GATAD2A: variants seen among roughly 807,000 people sequenced by gnomAD.
GATAD2A encodes transcriptional repressor p66-alpha.
In GATAD2A, 12 loss-of-function variants were observed where a neutral mutation model predicts 68.5. That is an observed-to-expected ratio of 0.18 (90% CI 0.11 to 0.28). The LOEUF (loss-of-function observed/expected upper bound fraction) is 0.28. Ranked by LOEUF, GATAD2A falls within the 10% of genes least tolerant of loss-of-function variation. The pLI, the probability that GATAD2A is intolerant of heterozygous loss-of-function variation, is 1.00. For synonymous variants in GATAD2A, 410 were observed against 375.3 expected (o/e 1.09, Z -1.07); for missense variants, 755 against 868.5 (o/e 0.87, Z 1.64).
At chr19:19,423,808 G>C (rs548822139) in intron 1 of GATAD2A, among the ~76,000 whole-genome samples, 27 of 152,326 alleles carry the variant, frequency 1.8e-4, no homozygotes, top group African/African-American at 6.5e-4. Context: ...ACTGGACTTG[G>C]AGGTGTCTGG....
intron 1 of GATAD2A, among the ~76,000 whole-genome samples, chr19:19,409,469 A>G (rs889623935): frequency 2.0e-5 from 3 of 152,140 alleles, no homozygotes; most frequent in Non-Finnish European, 4.4e-5. Flanking sequence ...AGTTTGAGGC[A>G]TACAGAACTA....
intron 2 of GATAD2A, among the ~76,000 whole-genome samples, chr19:19,477,638 G>A (rs2148197469): frequency 6.6e-6 from 1 of 152,322 alleles, no homozygotes; most frequent in South Asian, 2.1e-4. Flanking sequence ...ATTGTTGGAT[G>A]CAGGAAGGGT....
chr19:19,480,387 T>C (rs2058972544), intron 2 of GATAD2A, among the ~76,000 whole-genome samples: 1 of 152,232 alleles, frequency 6.6e-6, no homozygotes, highest in Admixed American at 6.5e-5. Context: ...TCACAGCAAG[T>C]AGCAAATATA....
chr19:19,496,730 A>G (rs531356453), intron 7 of GATAD2A, among the ~76,000 whole-genome samples: 9 of 152,292 alleles, frequency 5.9e-5, no homozygotes, highest in Non-Finnish European at 1.0e-4. Flanking sequence ...AGAGCCTCTC[A>G]GATGGGGAGG....
In GATAD2A at chr19:19,428,174, G is replaced by C. The variant is rs144358022; in HGVS notation, c.-7+22155G>C. Among the ~76,000 whole-genome samples the C allele has an allele frequency of 3.8e-3, 571 of 152,260 alleles. 4 individuals carry two copies. Among genetic ancestry groups the C allele is most frequent in the African/African-American group, 0.013 (535 of 41,550 alleles). On this transcript the variant is annotated intron_variant, in intron 1 of 11. Coordinates refer to ENST00000683918, the MANE Select transcript of GATAD2A (RefSeq NM_001384528.1). ...TGTCCTTTAATACTGCAATACATCA[G>C]GCATCTGAAATACTAAACACTTAAA...
intron 2 of GATAD2A, among the ~76,000 whole-genome samples, chr19:19,474,844 C>T (rs957288124): frequency 6.6e-6 from 1 of 152,200 alleles, no homozygotes; most frequent in East Asian, 1.9e-4. Flanking sequence ...ACTTGTTGTT[C>T]TCAGTCTTTA....
intron 1 of GATAD2A, among the ~76,000 whole-genome samples, chr19:19,432,583 T>C (rs2053875785): frequency 6.6e-6 from 1 of 152,238 alleles, no homozygotes; most frequent in African/African-American, 2.4e-5. Context: ...ATTACAGGCA[T>C]GAGCTACCGT....
At chr19:19,504,645 T>TC (rs1568346323) in intron 11 of GATAD2A, among the ~76,000 whole-genome samples, 1 of 151,196 alleles carries the variant, frequency 6.6e-6, no homozygotes, top group Non-Finnish European at 1.5e-5. Flanking sequence ...TTTTCCTTTT[T>TC]TTTTTTTTTT....
chr19:19,445,752 C>T (rs1293892889), intron 1 of GATAD2A, among the ~76,000 whole-genome samples: 1 of 152,176 alleles, frequency 6.6e-6, no homozygotes, highest in Non-Finnish European at 1.5e-5. Context: ...GAGTTTCATT[C>T]CTTTTTATGG....
intron 8 of GATAD2A, among the ~76,000 whole-genome samples, chr19:19,500,755 C>T (rs964194852): frequency 6.6e-6 from 1 of 152,226 alleles, no homozygotes; most frequent in Non-Finnish European, 1.5e-5. Context: ...TTTGGGGGTT[C>T]CCCGTCCTAA....
chr19:19,465,756 C>T, intron 2 of GATAD2A, 142 bp downstream of exon 2: 2 of 982,488 alleles, frequency 2.0e-6, no homozygotes, highest in Non-Finnish European at 2.9e-6. Context: ...TCGGGCATCA[C>T]CCACCACTGG....
Position 19,496,227 on chromosome 19 carries a change from C to G in GATAD2A, c.924+8C>G, listed in dbSNP as rs752937530. Reference sequence around the variant, plus strand: ...CTCGTCAACATCCCACAGGTGAGGGCTGCGCCACACTGTGCCAGGGAGAGT... The same window carrying G: ...CTCGTCAACATCCCACAGGTGAGGGGTGCGCCACACTGTGCCAGGGAGAGT... On this transcript the variant is annotated splice_region_variant and intron_variant, in intron 7 of 11. Coordinates refer to ENST00000683918, the MANE Select transcript of GATAD2A (RefSeq NM_001384528.1). 27 of 1,611,800 alleles carry G rather than the reference C, an allele frequency of 1.7e-5. No individual in the cohort carries two copies. Among genetic ancestry groups the G allele is most frequent in the African/African-American group, 2.7e-5 (2 of 74,904 alleles).
intron 2 of GATAD2A, among the ~76,000 whole-genome samples, chr19:19,483,480 C>T (rs897933982): frequency 2.6e-5 from 4 of 152,124 alleles, no homozygotes; most frequent in African/African-American, 4.8e-5. Flanking sequence ...AGTTACATGG[C>T]GGGAGAAGTG....
At chr19:19,400,290 G>A (rs528860162) in intron 1 of GATAD2A, among the ~76,000 whole-genome samples, 10 of 152,330 alleles carry the variant, frequency 6.6e-5, no homozygotes, top group Middle Eastern at 3.4e-3. Flanking sequence ...AGTCTGGAAA[G>A]AGCCTGCCTA....
Position 19,405,801 on chromosome 19 carries a change from C to G in GATAD2A, c.-225C>G, listed in dbSNP as rs997721059. ...CGGGCGGTGACGCCGGCGCCGGGCTCCATGTGTGCGGCCGAGGGGCGCATT... is the reference window on the plus strand; with the variant it reads ...CGGGCGGTGACGCCGGCGCCGGGCTGCATGTGTGCGGCCGAGGGGCGCATT... On this transcript the variant is annotated 5_prime_UTR_variant, in exon 1 of 12. Transcript: ENST00000683918. The G allele has an allele frequency of 2.0e-5, 3 of 150,102 alleles. No homozygotes were observed. Among genetic ancestry groups the G allele is most frequent in the African/African-American group, 7.3e-5 (3 of 41,094 alleles). The allele number at this position is 150,102 out of a possible 1,614,324, so 9.3% of individuals were successfully genotyped here.
At chr19:19,492,173 C>A in intron 2 of GATAD2A, 133 bp from the exon 3 acceptor site, 1 of 917,826 alleles carries the variant, frequency 1.1e-6, no homozygotes, top group Non-Finnish European at 1.7e-6. Context: ...TGGGGCAGGG[C>A]AGGGGATGTG....
chr19:19,493,459 G>A (rs987471208), intron 4 of GATAD2A, among the ~76,000 whole-genome samples: 2 of 152,162 alleles, frequency 1.3e-5, no homozygotes, highest in African/African-American at 2.4e-5. Context: ...CCCAACTGTC[G>A]GGAGGGTCCT....
At chr19:19,399,631 G>T (rs888497613) in intron 1 of GATAD2A, among the ~76,000 whole-genome samples, 3 of 152,124 alleles carry the variant, frequency 2.0e-5, no homozygotes, top group African/African-American at 7.2e-5. Context: ...GTTAGATATA[G>T]ACCTGATTAC....
At position 19,494,401 on chromosome 19, in the gene GATAD2A, G is replaced by C. The variant is rs375455874; in HGVS notation, c.624+18G>C. 11 of 1,468,418 alleles carry C rather than the reference G, an allele frequency of 7.5e-6. No homozygotes were observed. In the African/African-American group the frequency reaches 1.4e-4, roughly 19 times the overall value. 91.0% of individuals were successfully genotyped at this position (1,468,418 alleles called of 1,614,324 possible). Reference sequence around the variant, plus strand: ...CACTCCAGGTCAGTGTCCTTTCTGCGTCTCACTGGGTGCCCTGCTGGCACT... The same window carrying C: ...CACTCCAGGTCAGTGTCCTTTCTGCCTCTCACTGGGTGCCCTGCTGGCACT... On this transcript the variant is annotated intron_variant, in intron 5 of 11. Coordinates refer to ENST00000683918, the MANE Select transcript of GATAD2A (RefSeq NM_001384528.1).
Sources: gnomAD v4.1 joint callset for allele counts (sites outside exome capture counted in the v4.1 genomes callset) on GRCh38, gnomAD v4.1.1 for gene constraint, MANE v1.5 for transcripts, NCBI Gene and HGNC (gene_info 2026-07-23, HGNC 2026-07-21) for gene names.